The following A2ML1 variants were observed in gnomAD, a reference collection of about 807,000 sequenced individuals.
The protein encoded by A2ML1 is alpha-2-macroglobulin like 1, also known as alpha-2-macroglobulin-like protein 1.
A neutral mutation model predicts 181.9 loss-of-function variants in A2ML1; 161 were observed. The ratio of observed to expected loss-of-function variants is 0.89; its 90% confidence interval spans 0.78 to 1.01. A2ML1 has a LOEUF of 1.01. Ranked by LOEUF, A2ML1 falls within the 50% of genes least tolerant of loss-of-function variation. The pLI is 0.00. For synonymous variants in A2ML1, 663 were observed against 666.8 expected, an observed-to-expected ratio of 0.99 and a Z score of 0.09; for missense variants, 1,670 against 1,768.1, an observed-to-expected ratio of 0.94 and a Z score of 1.00.
chr12:8,879,991 C>T (rs1311451441), downstream of A2ML1, among the ~76,000 whole-genome samples: 1 of 152,094 alleles, frequency 6.6e-6, no homozygotes, highest in African/African-American at 2.4e-5. Context: ...AGCTCACAGA[C>T]TAGTGGAGGG....
Position 8,835,736 on chromosome 12 carries a change from G to T in A2ML1, c.643+70G>T, listed in dbSNP as rs745524746. On this transcript the variant is annotated intron_variant, in intron 6 of 35. Transcript: ENST00000299698. ...TCTTAAAATCAGCAAAGGTGGAGCC[G>T]GGCGCAGTGGCTCACGCCTGTAATC... is the stretch of plus-strand genomic sequence containing the variant. The T allele has an allele frequency of 3.8e-6, 6 of 1,582,012 alleles. No homozygotes were observed. The African/African-American group carries it at 6.7e-5, about 18-fold the overall frequency.
At chr12:8,870,840 C>T (rs186338533) in intron 33 of A2ML1, among the ~76,000 whole-genome samples, 175 of 152,304 alleles carry the variant, frequency 1.1e-3, no homozygotes, top group Non-Finnish European at 2.2e-3. Context: ...CAATGAACTG[C>T]TCCTCAGTGT....
intron 25 of A2ML1, 97 bp from the exon 26 acceptor site, chr12:8,857,849 C>A: frequency 2.0e-6 from 3 of 1,505,576 alleles, no homozygotes; most frequent in South Asian, 1.3e-5. Context: ...TCCCTCAGCT[C>A]CCCTTCTGGA....
chr12:8,847,099 T>A (rs1271342343), intron 14 of A2ML1, among the ~76,000 whole-genome samples: 1 of 77,278 alleles, frequency 1.3e-5, no homozygotes. Context: ...CATGCCTGGC[T>A]TTTTTTTTTT....
At chr12:8,830,866 A>G (rs73036961) in intron 4 of A2ML1, 1 of 150,942 alleles carries the variant, frequency 6.6e-6, no homozygotes, top group South Asian at 2.1e-4. Flanking sequence ...CTTTCCCAAT[A>G]TAGATTTCCT....
At chr12:8,850,793 A>G (rs1943862642) in intron 18 of A2ML1, among the ~76,000 whole-genome samples, 1 of 152,070 alleles carries the variant, frequency 6.6e-6, no homozygotes, top group South Asian at 2.1e-4. Context: ...GCTGGAGTGC[A>G]GTGGCATGAT....
At position 8,845,229 on chromosome 12, in the gene A2ML1, A is replaced by G. The variant is rs1393714172; in HGVS notation, c.1477-213A>G. The G allele has an allele frequency of 2.6e-6, 4 of 1,532,080 alleles. No homozygotes were observed. The African/African-American group carries it at 5.5e-5, about 21-fold the overall frequency. 94.9% of individuals were successfully genotyped at this position (1,532,080 alleles called of 1,614,324 possible). ...CCTCCCATCCACCTGCGTGGTTCTC[A>G]GCCAGACCTCCAACTGCAGGAGGAG... On this transcript the variant is annotated intron_variant, in intron 12 of 35. Coordinates refer to ENST00000299698, the MANE Select transcript of A2ML1 (RefSeq NM_144670.6).
At chr12:8,854,977 C>A in intron 22 of A2ML1, 146 bp downstream of exon 22, 1 of 802,942 alleles carries the variant, frequency 1.2e-6, no homozygotes, top group Non-Finnish European at 2.0e-6. Flanking sequence ...TCATTGCAAC[C>A]TCTGCCTCCC....
At chr12:8,850,347 G>A in intron 18 of A2ML1, 73 bp downstream of exon 18, 1 of 1,138,394 alleles carries the variant, frequency 8.8e-7, no homozygotes. Flanking sequence ...CACTTTGGGA[G>A]GCTTAGGAGG....
intron 31 of A2ML1, 80 bp from the exon 32 acceptor site, chr12:8,868,457 C>CATGTGT: frequency 1.4e-6 from 2 of 1,442,474 alleles, no homozygotes; most frequent in Non-Finnish European, 1.9e-6. Flanking sequence ...TGTGTGTGTA[C>CATGTGT]GTGTGTGTGT....
At chr12:8,885,067 C>G (rs1481845620) in intron 7 of A2ML1, among the ~76,000 whole-genome samples, 1 of 151,772 alleles carries the variant, frequency 6.6e-6, no homozygotes, top group Non-Finnish European at 1.5e-5. Flanking sequence ...TTGTGAAATT[C>G]TTTATATGTC....
At chr12:8,861,901 A>T (rs138847398) in intron 28 of A2ML1, among the ~76,000 whole-genome samples, 2 of 152,178 alleles carry the variant, frequency 1.3e-5, no homozygotes, top group African/African-American at 4.8e-5. Context: ...ATGGGATTAC[A>T]GGTGTGTGCC....
At position 8,868,548 on chromosome 12, in the gene A2ML1, G is replaced by A. The variant is rs1944508151; in HGVS notation, c.4073G>A (p.Ser1358Asn). The A allele has an allele frequency of 6.2e-7, 1 of 1,613,904 alleles. No individual in the cohort carries two copies. Among genetic ancestry groups the A allele is most frequent in the African/African-American group, 1.3e-5 (1 of 74,884 alleles). The change falls in exon 32 of 36, where the codon AGC becomes AAC. Residue 1358 changes from serine to asparagine, a missense_variant. By Grantham distance (46) the Ser-to-Asn change is conservative. Coordinates refer to ENST00000299698, the MANE Select transcript of A2ML1 (RefSeq NM_144670.6). Reference protein sequence around the residue: ...TLTIHTSYVGSRSSSNMAIVE... With the variant: ...TLTIHTSYVGNRSSSNMAIVE... ...CTTCCTGCTCTCAGTTATGTGGGGA[G>A]CCGTAGCTCTTCCAATATGGCTATT...
At chr12:8,841,663 C>A in intron 11 of A2ML1, 127 bp downstream of exon 11, 1 of 967,726 alleles carries the variant, frequency 1.0e-6, no homozygotes, top group Non-Finnish European at 1.5e-6. Flanking sequence ...AAGTCCTGCT[C>A]TCCCGTTGAC....
At position 8,841,429 on chromosome 12, in the gene A2ML1, TATGGCACAA is replaced by T. The variant is rs763258371; in HGVS notation, c.1146_1154del (p.Asn384_Thr386del). 1.9e-6 allele frequency: 3 copies of T among 1,614,138 alleles called. No homozygotes were observed. The highest frequency in any genetic ancestry group is 2.5e-6 in the Non-Finnish European group (3 of 1,180,044). On this transcript the variant is annotated inframe_deletion, in exon 11 of 36. Coordinates refer to ENST00000299698, the MANE Select transcript of A2ML1 (RefSeq NM_144670.6). ...GAACCATCTAGTGTTTCTGGTGATT[TATGGCACAA>T]ATGGAACCTTCAACCAGACCCTGGT...
chr12:8,853,879 TAAATATCAG>T (rs1182364204), intron 20 of A2ML1, among the ~76,000 whole-genome samples: 1 of 152,172 alleles, frequency 6.6e-6, no homozygotes, highest in Non-Finnish European at 1.5e-5. Context: ...TCAATGGATG[TAAATATCAG>T]GATGCAGGGA....
chr12:8,836,159 T>G, intron 6 of A2ML1, 96 bp from the exon 7 acceptor site: 1 of 933,246 alleles, frequency 1.1e-6, no homozygotes, highest in Admixed American at 2.2e-5. Flanking sequence ...TTAGATCCAT[T>G]AATTTAATTC....
At chr12:8,847,526 A>G (rs1943732485) in intron 14 of A2ML1, 23 bp from the exon 15 acceptor site, 3 of 1,595,754 alleles carry the variant, frequency 1.9e-6, no homozygotes, top group African/African-American at 2.7e-5. Context: ...CTGATCCCCA[A>G]GTTATACCTT....
intron 33 of A2ML1, among the ~76,000 whole-genome samples, chr12:8,873,303 G>C (rs538719157): frequency 6.6e-6 from 1 of 150,456 alleles, no homozygotes; most frequent in Admixed American, 6.6e-5. Context: ...TCAGTGGCCC[G>C]ATCTTGGCTC....
Sources: allele counts gnomAD v4.1 joint callset (sites outside exome capture counted in the v4.1 genomes callset), GRCh38; gene constraint gnomAD v4.1.1; transcripts MANE v1.5; gene names NCBI Gene and HGNC (gene_info 2026-07-23, HGNC 2026-07-21).